The following ERMP1 variants were observed in gnomAD, a reference collection of about 807,000 sequenced individuals.
ERMP1 encodes endoplasmic reticulum metallopeptidase 1.
ERMP1 carries 86 observed loss-of-function variants against 92.0 expected under a neutral mutation model. The observed-to-expected ratio is 0.93, with a 90% CI of 0.79 to 1.12. The LOEUF (loss-of-function observed/expected upper bound fraction) is 1.12, where lower values mean the gene tolerates loss of function less well. Ranked by LOEUF, ERMP1 falls within the 50% of genes most tolerant of loss-of-function variation. ERMP1 has a pLI of 0.00. For missense variants in ERMP1, 1,342 were observed against 1,116.3 expected (o/e 1.20, Z -2.88); for synonymous variants, 530 against 412.8 (o/e 1.28, Z -3.44).
intron 4 of ERMP1, among the ~76,000 whole-genome samples, chr9:5,819,281 G>A (rs1239127744): frequency 6.6e-6 from 1 of 152,294 alleles, no homozygotes; most frequent in East Asian, 1.9e-4. Flanking sequence ...GATGAACCTT[G>A]TGAAAGCTGT....
In ERMP1 at chr9:5,832,953, G is replaced by A. The variant is rs1449297964; in HGVS notation, c.75C>T (p.Ala25=). 4.5e-6 allele frequency: 7 copies of A among 1,562,236 alleles called. No homozygotes were observed. The highest frequency in any genetic ancestry group is 2.5e-5 in the East Asian group (1 of 40,112). Residue 25 remains alanine (A), a synonymous_variant, in exon 1 of 15, where the codon GCC becomes GCT. Coordinates refer to ENST00000339450, the MANE Select transcript of ERMP1 (RefSeq NM_024896.3). ...GGGCCTCCCTCTCCGGCGGTGGCGC[G>A]GCCGCCGCTCCCTCTCGACGCTCTA... The part of the protein sequence containing the change: ...VGVERREGAA[A]APPPEREARA...
intron 13 of ERMP1, among the ~76,000 whole-genome samples, chr9:5,796,970 G>T (rs781776568): frequency 9.9e-5 from 15 of 152,068 alleles, no homozygotes; most frequent in Non-Finnish European, 1.5e-4. Flanking sequence ...AGGAAAATCG[G>T]GGGGCAGGAT....
At position 5,784,981 on chromosome 9, in the gene ERMP1, G is replaced by C. The variant is rs888923080; in HGVS notation, c.*2163C>G. ...TCTTTAAAAATTTTTTTTAATCTCA[G>C]AATCTACTAATGTGACAGACAAACG... On this transcript the variant is annotated 3_prime_UTR_variant, in exon 15 of 15. Transcript: ENST00000339450. 1 of 151,946 alleles carries C rather than the reference G, an allele frequency of 6.6e-6. No individual in the cohort carries two copies. The highest frequency in any genetic ancestry group is 1.5e-5 in the Non-Finnish European group (1 of 68,004). 9.4% of individuals were successfully genotyped at this position (151,946 alleles called of 1,614,324 possible). A position where few individuals can be genotyped will look rare whatever the true frequency, so the allele number is the denominator to read the frequency against.
At chr9:5,790,202 C>G (rs1323093377) in intron 13 of ERMP1, among the ~76,000 whole-genome samples, 5 of 132,590 alleles carry the variant, frequency 3.8e-5, no homozygotes, top group African/African-American at 1.5e-4. Flanking sequence ...TCCCCTGAGA[C>G]GGAGTCTCGT....
chr9:5,842,703 T>A (rs1338519439), intron 6 of ERMP1, among the ~76,000 whole-genome samples: 2 of 152,224 alleles, frequency 1.3e-5, no homozygotes, highest in Non-Finnish European at 2.9e-5. Flanking sequence ...AGTAAGCCAT[T>A]TGCTACTCTG....
chr9:5,835,478 GTCTC>G (rs1267373927), upstream of ERMP1, among the ~76,000 whole-genome samples: 2 of 152,342 alleles, frequency 1.3e-5, no homozygotes, highest in African/African-American at 4.8e-5. Flanking sequence ...TGGTCTCACA[GTCTC>G]TCTGAGAAGA....
intron 5 of ERMP1, among the ~76,000 whole-genome samples, chr9:5,866,228 T>C (rs1027729969): frequency 6.6e-6 from 1 of 152,226 alleles, no homozygotes; most frequent in Non-Finnish European, 1.5e-5. Flanking sequence ...ATATTGTTTG[T>C]AGAACTATTA....
intron 13 of ERMP1, chr9:5,791,150 G>GA (rs1828177511): frequency 2.2e-6 from 1 of 449,760 alleles, no homozygotes; most frequent in Non-Finnish European, 4.5e-6. Flanking sequence ...GCATTCTCCA[G>GA]GGAAACCAAC....
intron 5 of ERMP1, among the ~76,000 whole-genome samples, chr9:5,866,929 G>A (rs1483738068): frequency 2.0e-5 from 3 of 152,196 alleles, no homozygotes; most frequent in Non-Finnish European, 4.4e-5. Flanking sequence ...TTTGAGGCCA[G>A]GCACAGTGGC....
chr9:5,838,108 G>GA (rs568731305), upstream of ERMP1, among the ~76,000 whole-genome samples: 120 of 152,158 alleles, frequency 7.9e-4, no homozygotes, highest in African/African-American at 2.7e-3. Context: ...CAAAAAAAAA[G>GA]AAAAAAGCTA....
chr9:5,853,838 T>C (rs1412009507), intron 6 of ERMP1, among the ~76,000 whole-genome samples: 1 of 150,846 alleles, frequency 6.6e-6, no homozygotes, highest in East Asian at 1.9e-4. Flanking sequence ...GCTCTCTAGA[T>C]GTAGCCTTGC....
intron 5 of ERMP1, among the ~76,000 whole-genome samples, chr9:5,861,723 T>TTG (rs1431274398): frequency 4.2e-5 from 6 of 142,380 alleles, no homozygotes; most frequent in African/African-American, 1.3e-4. Context: ...AAGGGTTTTT[T>TTG]TTTTTTTTTT....
chr9:5,832,402 ACAAC>A (rs773586318), intron 1 of ERMP1: 8 of 399,622 alleles, frequency 2.0e-5, no homozygotes, highest in Non-Finnish European at 2.7e-5. Context: ...GAGACGACTC[ACAAC>A]CAACCATCTG....
intron 6 of ERMP1, among the ~76,000 whole-genome samples, chr9:5,850,163 C>G (rs1830290703): frequency 6.6e-6 from 1 of 152,034 alleles, no homozygotes; most frequent in South Asian, 2.1e-4. Context: ...TCATCGGCAT[C>G]AGAATTACCC....
chr9:5,841,753 T>A (rs766628975), intron 6 of ERMP1, among the ~76,000 whole-genome samples: 1 of 152,166 alleles, frequency 6.6e-6, no homozygotes, highest in Non-Finnish European at 1.5e-5. Flanking sequence ...ATTGCGCCAA[T>A]GTGTGTCCGG....
intron 6 of ERMP1, among the ~76,000 whole-genome samples, chr9:5,846,898 C>T (rs941801688): frequency 7.9e-5 from 12 of 152,156 alleles, no homozygotes; most frequent in African/African-American, 2.9e-4. Context: ...GAACTGGACG[C>T]CCTTTAATTA....
intron 4 of ERMP1, among the ~76,000 whole-genome samples, chr9:5,819,858 T>C (rs1001997392): frequency 1.3e-5 from 2 of 152,180 alleles, no homozygotes; most frequent in African/African-American, 2.4e-5. Context: ...GGCAGTTGCC[T>C]AGGGATGGGG....
chr9:5,811,095 A>C lies in ERMP1; in HGVS notation c.1327+16T>G, dbSNP rs1829072861. 1 of 1,574,780 alleles carries C rather than the reference A, an allele frequency of 6.4e-7. No homozygotes were observed. Among genetic ancestry groups the C allele is most frequent in the Non-Finnish European group, 8.7e-7 (1 of 1,144,572 alleles). On this transcript the variant is annotated intron_variant, in intron 7 of 14. Coordinates refer to ENST00000339450, the MANE Select transcript of ERMP1 (RefSeq NM_024896.3). Reference sequence around the variant, plus strand: ...CAGCAATGCCAGTATTTGTAGTTTTAGAGGAAAATACTTACTCTTATGTTT... The same window carrying C: ...CAGCAATGCCAGTATTTGTAGTTTTCGAGGAAAATACTTACTCTTATGTTT...
chr9:5,791,106 C>A (rs914655965), intron 13 of ERMP1: 17 of 399,010 alleles, frequency 4.3e-5, no homozygotes, highest in Non-Finnish European at 8.8e-5. Flanking sequence ...GCGTGAACAG[C>A]TGCAGGAACA....
Sources: gnomAD v4.1 joint callset for allele counts (sites outside exome capture counted in the v4.1 genomes callset) on GRCh38, gnomAD v4.1.1 for gene constraint, MANE v1.5 for transcripts, NCBI Gene and HGNC (gene_info 2026-07-23, HGNC 2026-07-21) for gene names.